Variants in GP2 observed in about 807,000 individuals in gnomAD.
GP2 encodes the protein glycoprotein 2.
Under a neutral mutation model 60.8 loss-of-function variants are expected in GP2, and 58 were observed. The ratio of observed to expected loss-of-function variants is 0.95; its 90% CI spans 0.77 to 1.19. The LOEUF (loss-of-function observed/expected upper bound fraction) is 1.19. GP2 is among the 50% of genes most tolerant of loss of function. GP2 has a pLI of 0.00. For missense variants in GP2, 647 were observed against 667.4 expected, an observed-to-expected ratio of 0.97 and a Z score of 0.34; for synonymous variants, 280 against 253.4, an observed-to-expected ratio of 1.10 and a Z score of -1.00.
intron 2 of GP2, 93 bp from the exon 3 acceptor site, chr16:20,324,349 G>T: frequency 1.4e-6 from 1 of 734,408 alleles, no homozygotes; most frequent in Non-Finnish European, 2.3e-6. Context: ...GCTGTGCTAA[G>T]GACTCCAATG....
chr16:20,326,347 C>T lies in GP2; in HGVS notation c.85G>A (p.Val29Met), dbSNP rs752882157. 6 of 1,613,830 alleles carry T rather than the reference C, an allele frequency of 3.7e-6. No individual in the cohort carries two copies. The highest frequency in any genetic ancestry group is 3.3e-5 in the South Asian group (3 of 91,084). ...TGAGCAGAATACTTACCTCGCTGCACTGCAGATGCCTGGGTCAGAATGCAG... is the reference window on the plus strand; with the variant it reads ...TGAGCAGAATACTTACCTCGCTGCATTGCAGATGCCTGGGTCAGAATGCAG... Reference protein sequence around the residue: ...VSCILTQASAVQRGYGNPIEA... With the variant: ...VSCILTQASAMQRGYGNPIEA... Residue 29 changes from valine to methionine, a missense_variant, in exon 2 of 11, where the codon GTG becomes ATG. By Grantham distance (21) the Val-to-Met change is conservative. Transcript: ENST00000302555.
rs531865383 is a variant in GP2, at chr16:20,314,552, A to G, written c.1546+105T>C. 4.8e-6 allele frequency: 4 copies of G among 826,762 alleles called. No individual in the cohort carries two copies. In the East Asian group the frequency reaches 7.2e-5, roughly 15 times the overall value. 51.2% of individuals were successfully genotyped at this position (826,762 alleles called of 1,614,324 possible). On this transcript the variant is annotated intron_variant, in intron 10 of 10. Transcript: ENST00000302555. ...TCAAAGGCCAATCTTAGGTCTGATT[A>G]ATGTCAGTGTCCCTAGCATAGGGTC...
intron 1 of GP2, chr16:20,326,943 G>C (rs1964550432): frequency 6.0e-6 from 1 of 167,668 alleles, no homozygotes; most frequent in Non-Finnish European, 1.3e-5. Flanking sequence ...AGAGGATTAA[G>C]GATGAATAAA....
chr16:20,312,791 C>T (rs577527718), intron 10 of GP2, among the ~76,000 whole-genome samples: 48 of 152,170 alleles, frequency 3.2e-4, no homozygotes, highest in African/African-American at 1.1e-3. Context: ...GCTGGGATTA[C>T]AGGCATGCAC....
intron 10 of GP2, among the ~76,000 whole-genome samples, chr16:20,313,158 A>G (rs1468133692): frequency 2.6e-5 from 4 of 152,120 alleles, no homozygotes; most frequent in Non-Finnish European, 5.9e-5. Flanking sequence ...GGGAAAGCAA[A>G]TCTTAATAGT....
At chr16:20,327,358 A>T in intron 1 of GP2, 109 bp downstream of exon 1, 1 of 699,388 alleles carries the variant, frequency 1.4e-6, no homozygotes, top group Non-Finnish European at 2.0e-6. Flanking sequence ...GGTCCAAACT[A>T]CTTGCTGGGT....
chr16:20,326,909 T>G (rs879143186), intron 1 of GP2: 1 of 166,550 alleles, frequency 6.0e-6, no homozygotes, highest in Non-Finnish European at 1.3e-5. Context: ...TAGTACAGAA[T>G]CTGGCACACA....
In GP2 at chr16:20,322,868, C is replaced by T; in HGVS notation, c.646+1G>A. ...AGTTACTTGCCCAGTGAGCAGCTCACCAGAACTATTGAGGTCCTGTCTGCA... is the reference window on the plus strand; with the variant it reads ...AGTTACTTGCCCAGTGAGCAGCTCATCAGAACTATTGAGGTCCTGTCTGCA... On this transcript the variant is annotated splice_donor_variant, in intron 4 of 10. Transcript: ENST00000302555. LOFTEE classifies it high-confidence loss of function. 6.5e-7 allele frequency: 1 copy of T among 1,540,678 alleles called. No individual in the cohort carries two copies. Among genetic ancestry groups the T allele is most frequent in the South Asian group, 1.1e-5 (1 of 89,600 alleles).
At chr16:20,322,471 C>T (rs1000036330) in intron 4 of GP2, among the ~76,000 whole-genome samples, 1 of 152,178 alleles carries the variant, frequency 6.6e-6, no homozygotes, top group Non-Finnish European at 1.5e-5. Context: ...CCTCATTTTA[C>T]AGATGAGGAT....
chr16:20,315,913 A>G (rs755681197), intron 9 of GP2, 43 bp downstream of exon 9: 1 of 1,243,116 alleles, frequency 8.0e-7, no homozygotes, highest in Non-Finnish European at 1.2e-6. Flanking sequence ...TTAACTGTCA[A>G]CACTCAGCCA....
At position 20,311,232 on chromosome 16, in the gene GP2, C is replaced by T. The variant is rs545969083; in HGVS notation, c.1596G>A (p.Trp532Ter). ...ATGCTCAGCGGAGCTCTCAGAACAG[C>T]CAAGCCAGGAGGACAGTCAGGAGGA... ...PMVLLTVLLA[W>*]LF is the part of the protein sequence containing the mutation. The change falls in exon 11 of 11, where the codon TGG becomes TGA. Residue 532 changes from tryptophan to a stop codon, truncating the protein, a stop_gained. Coordinates refer to ENST00000302555, the MANE Select transcript of GP2 (RefSeq NM_001502.4). LOFTEE classifies it high-confidence loss of function. 8 of 1,609,082 alleles carry T rather than the reference C, an allele frequency of 5.0e-6. No individual in the cohort carries two copies. Among genetic ancestry groups the T allele is most frequent in the African/African-American group, 1.3e-5 (1 of 74,908 alleles).
chr16:20,322,256 G>A (rs1252486984), intron 4 of GP2, among the ~76,000 whole-genome samples: 1 of 152,202 alleles, frequency 6.6e-6, no homozygotes, highest in African/African-American at 2.4e-5. Context: ...GTGATGGAGG[G>A]AAATAATCTC....
intron 1 of GP2, chr16:20,327,265 C>A (rs974639120): frequency 2.9e-6 from 1 of 339,746 alleles, no homozygotes. Flanking sequence ...GGGTGGCGTC[C>A]GTAGGCCTGG....
intron 9 of GP2, among the ~76,000 whole-genome samples, chr16:20,314,953 G>A (rs1964114833): frequency 6.6e-6 from 1 of 152,176 alleles, no homozygotes; most frequent in African/African-American, 2.4e-5. Flanking sequence ...TGAGAAGACT[G>A]GAGCTCAGTG....
chr16:20,323,963 C>A lies in GP2; in HGVS notation c.388G>T (p.Asp130Tyr). The change falls in exon 3 of 11, where the codon GAT becomes TAT. Residue 130 changes from aspartate (D) to tyrosine (Y), a missense_variant. Transcript: ENST00000302555. ...WLNGTHPALG[D>Y]GITNHTACAH... is the part of the protein sequence containing the mutation. ...CAGGCAGTGTGGTTGGTGATGCCATCCCCAAGGGCAGGGTGGGTCCCATTC... is the reference window on the plus strand; with the variant it reads ...CAGGCAGTGTGGTTGGTGATGCCATACCCAAGGGCAGGGTGGGTCCCATTC... The A allele has an allele frequency of 6.2e-7, 1 of 1,614,190 alleles. No individual in the cohort carries two copies. The highest frequency in any genetic ancestry group is 8.5e-7 in the Non-Finnish European group (1 of 1,179,996).
At position 20,310,426 on chromosome 16, in the gene GP2, C is replaced by T. The variant is rs1963963497; in HGVS notation, c.*797G>A. The stretch of plus-strand genomic sequence containing the variant: ...CTGGAGCAGAGTCTCCAAAAGTGGC[C>T]CTTTGACATGTTCCCATGGCAATTT... On this transcript the variant is annotated 3_prime_UTR_variant, in exon 11 of 11. Coordinates refer to ENST00000302555, the MANE Select transcript of GP2 (RefSeq NM_001502.4). 1 of 152,158 alleles carries T rather than the reference C, an allele frequency of 6.6e-6. No homozygotes were observed. Among genetic ancestry groups the T allele is most frequent in the Admixed American group, 6.5e-5 (1 of 15,278 alleles). 9.4% of individuals were successfully genotyped at this position (152,158 alleles called of 1,614,324 possible). A position where few individuals can be genotyped will look rare whatever the true frequency, so the allele number is the denominator to read the frequency against.
intron 10 of GP2, among the ~76,000 whole-genome samples, chr16:20,313,785 T>C (rs1194891382): frequency 6.6e-6 from 1 of 152,212 alleles, no homozygotes; most frequent in East Asian, 1.9e-4. Context: ...CTTTCGGGAA[T>C]GTCTTTTAAC....
chr16:20,312,656 CT>C lies in GP2; in HGVS notation c.1547-1376del, dbSNP rs200478553. Among the ~76,000 whole-genome samples the C allele has an allele frequency of 7.1e-3, 1,016 of 143,850 alleles. 1 individual carries two copies. Among genetic ancestry groups the C allele is most frequent in the East Asian group, 0.022 (107 of 4,934 alleles). The allele number at this position is 143,850 out of a possible 152,430, so 94.4% of individuals were successfully genotyped here. A position where few individuals can be genotyped will look rare whatever the true frequency, so the allele number is the denominator to read the frequency against. ...ACTTGAGGTTCTTGACTTCAAGCTG[CT>C]TTTTTTTTTTTTGATGGAGTTTTGC... On this transcript the variant is annotated intron_variant, in intron 10 of 10. Transcript: ENST00000302555.
chr16:20,317,693 G>A (rs1567287874), intron 7 of GP2, among the ~76,000 whole-genome samples: 2 of 152,202 alleles, frequency 1.3e-5, no homozygotes, highest in South Asian at 4.1e-4. Flanking sequence ...ACTGATGTGA[G>A]CATTTAATCA....
Sources: gnomAD v4.1 joint callset for allele counts (sites outside exome capture counted in the v4.1 genomes callset) on GRCh38, gnomAD v4.1.1 for gene constraint, MANE v1.5 for transcripts, NCBI Gene and HGNC (gene_info 2026-07-23, HGNC 2026-07-21) for gene names.